ETV3: variants seen among roughly 807,000 people sequenced by gnomAD.
ETV3 encodes the protein ETS variant transcription factor 3.
A neutral mutation model predicts 33.0 loss-of-function variants in ETV3; 8 were observed. The ratio of observed to expected loss-of-function variants is 0.24; its 90% confidence interval spans 0.14 to 0.44. The LOEUF (loss-of-function observed/expected upper bound fraction) is 0.44. ETV3 is among the 20% of genes least tolerant of loss of function. The pLI is 1.00. For missense variants in ETV3, 473 were observed against 652.3 expected (o/e 0.73, Z 2.99); for synonymous variants, 222 against 238.9 (o/e 0.93, Z 0.65).
At chr1:157,132,243 C>T (rs544666726) in intron 4 of ETV3, among the ~76,000 whole-genome samples, 7 of 152,334 alleles carry the variant, frequency 4.6e-5, no homozygotes, top group South Asian at 2.1e-4. Flanking sequence ...CCACCTGGCC[C>T]GGCCCCTTGT....
At chr1:157,132,816 T>C (rs527421510) in intron 4 of ETV3, among the ~76,000 whole-genome samples, 2 of 151,982 alleles carry the variant, frequency 1.3e-5, no homozygotes, top group Non-Finnish European at 2.9e-5. Context: ...GAGATGAAAC[T>C]GTAATGATAG....
In ETV3 at chr1:157,123,764, A is replaced by T. The variant is rs1425457125; in HGVS notation, c.*1077T>A. 6.6e-6 allele frequency: 1 copy of T among 152,188 alleles called. No individual in the cohort carries two copies. Among genetic ancestry groups the T allele is most frequent in the South Asian group, 2.1e-4 (1 of 4,828 alleles). The allele number at this position is 152,188 out of a possible 1,614,324, so 9.4% of individuals were successfully genotyped here. On this transcript the variant is annotated 3_prime_UTR_variant, in exon 5 of 5. Coordinates refer to ENST00000368192, the MANE Select transcript of ETV3 (RefSeq NM_001145312.3). ...TCTGAAAAGCTGTCGATGCCCTTTT[A>T]CAGGTTTATGGTGACAGACCCGTAT... is the stretch of plus-strand genomic sequence containing the variant.
At position 157,125,582 on chromosome 1, in the gene ETV3, G is replaced by A. The variant is rs928671484; in HGVS notation, c.798C>T (p.Ala266=). ...GGVLNVPISP[A]LSLTPTIFSY... ...AGAAGATGGTGGGAGTCAGGGAGAG[G>A]GCTGGTGAAATGGGGACATTAAGGA... is the stretch of plus-strand genomic sequence containing the variant. Residue 266 remains alanine, a synonymous_variant, in exon 5 of 5, where the codon GCC becomes GCT. Coordinates refer to ENST00000368192, the MANE Select transcript of ETV3 (RefSeq NM_001145312.3). This position sits in a 1 kb window ranked among gnomAD's most constrained non-coding sequence, Gnocchi z 4.0. 1.9e-6 allele frequency: 3 copies of A among 1,551,848 alleles called. No individual in the cohort carries two copies. Among genetic ancestry groups the A allele is most frequent in the African/African-American group, 1.4e-5 (1 of 73,146 alleles).
At chr1:157,138,030 G>A (rs1446463113) in intron 1 of ETV3, among the ~76,000 whole-genome samples, 1 of 152,188 alleles carries the variant, frequency 6.6e-6, no homozygotes, top group Non-Finnish European at 1.5e-5. Context: ...TCCGGGTCCT[G>A]GCTTCCACAG....
chr1:157,130,657 C>T (rs1007649312), intron 4 of ETV3, among the ~76,000 whole-genome samples: 1 of 152,184 alleles, frequency 6.6e-6, no homozygotes, highest in African/African-American at 2.4e-5. Flanking sequence ...CAGCTTGCCT[C>T]TCTGTGCCTC....
chr1:157,130,762 A>G (rs1241201770), intron 4 of ETV3, among the ~76,000 whole-genome samples: 1 of 152,242 alleles, frequency 6.6e-6, no homozygotes, highest in African/African-American at 2.4e-5. Context: ...TACCAAGCAT[A>G]GCAAATTGCA....
Position 157,125,827 on chromosome 1 carries a change from T to C in ETV3, c.553A>G (p.Thr185Ala). 3 of 1,551,706 alleles carry C rather than the reference T, an allele frequency of 1.9e-6. No homozygotes were observed. Among genetic ancestry groups the C allele is most frequent in the Non-Finnish European group, 2.6e-6 (3 of 1,147,010 alleles). ...TCTGAAAGCTCAGTCTTTCTATCAG[T>C]ACCATTACTGGACTCCTGGCCAGAA... is the stretch of plus-strand genomic sequence containing the variant. ...TASGQESSNG[T>A]DRKTELSELE... Residue 185 changes from threonine (T) to alanine (A), a missense_variant, in exon 5 of 5, where the codon ACT becomes GCT. This residue lies in a region of ETV3 where 410 missense variants were observed against 520.2 expected (regional missense o/e 0.79). Transcript: ENST00000368192. The surrounding 1 kb of genome is among the most constrained non-coding windows in gnomAD (Gnocchi z 4.0).
chr1:157,124,647 T>C lies in ETV3; in HGVS notation c.*194A>G. 1.8e-6 allele frequency: 1 copy of C among 550,514 alleles called. No individual in the cohort carries two copies. Among genetic ancestry groups the C allele is most frequent in the Non-Finnish European group, 3.1e-6 (1 of 324,392 alleles). The allele number at this position is 550,514 out of a possible 1,614,324, so 34.1% of individuals were successfully genotyped here. On this transcript the variant is annotated 3_prime_UTR_variant, in exon 5 of 5. Coordinates refer to ENST00000368192, the MANE Select transcript of ETV3 (RefSeq NM_001145312.3). ...CCCTGTGTCCTACTCACCAGGAAAA[T>C]AAGTGTGTTCATATCCCACCTAATT...
In ETV3 at chr1:157,124,989, T is replaced by C; in HGVS notation, c.1391A>G (p.Lys464Arg). The C allele has an allele frequency of 1.9e-6, 3 of 1,551,814 alleles. No individual in the cohort carries two copies. Among genetic ancestry groups the C allele is most frequent in the Non-Finnish European group, 2.6e-6 (3 of 1,147,020 alleles). The change falls in exon 5 of 5, where the codon AAG (lysine) becomes AGG (arginine). Residue 464 changes from lysine (K) to arginine (R), a missense_variant. Lys to Arg is a conservative substitution (Grantham distance 26, BLOSUM62 2). Coordinates refer to ENST00000368192, the MANE Select transcript of ETV3 (RefSeq NM_001145312.3). ...RPGKEPSAPE[K>R]KEDALMPPKL... ...GGGGGGCATCAGTGCATCTTCTTTC[T>C]TCTCAGGTGCACTGGGCTCTTTGCC... is the stretch of plus-strand genomic sequence containing the variant.
chr1:157,127,035 G>A (rs930391801), intron 4 of ETV3, among the ~76,000 whole-genome samples: 1 of 152,052 alleles, frequency 6.6e-6, no homozygotes, highest in Non-Finnish European at 1.5e-5. Flanking sequence ...CTGTGGGGAG[G>A]GGCATAGCTG....
intron 4 of ETV3, chr1:157,133,349 A>G: frequency 1.0e-6 from 1 of 973,222 alleles, no homozygotes; most frequent in Non-Finnish European, 1.2e-6. Flanking sequence ...TAGGGGTCTT[A>G]GAACATATAC....
Position 157,124,811 on chromosome 1 carries a change from G to A in ETV3, c.*30C>T. ...AAATACATGTATGTATTTGATTATA[G>A]TATAAACAGCTCCTAATCCACTTCC... On this transcript the variant is annotated 3_prime_UTR_variant, in exon 5 of 5. Transcript: ENST00000368192. 2.5e-6 allele frequency: 3 copies of A among 1,178,384 alleles called. No homozygotes were observed. The highest frequency in any genetic ancestry group is 3.2e-6 in the Non-Finnish European group (3 of 933,218). 73.0% of individuals were successfully genotyped at this position (1,178,384 alleles called of 1,614,324 possible).
intron 4 of ETV3, chr1:157,133,522 A>G (rs1675022518): frequency 7.1e-6 from 7 of 985,832 alleles, no homozygotes; most frequent in South Asian, 9.4e-5. Context: ...TATAACCAGG[A>G]AAGTCAAGAG....
rs918707563 is a variant in ETV3, at chr1:157,135,381, A to T, written c.284+90T>A. On this transcript the variant is annotated intron_variant, in intron 3 of 4. Transcript: ENST00000368192. ...ATTCACTAAGATAGTGTAGTCTTTT[A>T]TTACCTGATACCCTTTTTATCTAGC... 1.5e-5 allele frequency: 22 copies of T among 1,467,990 alleles called. No individual in the cohort carries two copies. In the African/African-American group the frequency reaches 3.1e-4, roughly 21 times the overall value. The allele number at this position is 1,467,990 out of a possible 1,614,324, so 90.9% of individuals were successfully genotyped here.
At chr1:157,131,900 A>G (rs1453989199) in intron 4 of ETV3, among the ~76,000 whole-genome samples, 8 of 152,238 alleles carry the variant, frequency 5.3e-5, no homozygotes, top group Non-Finnish European at 1.5e-5. Flanking sequence ...GCAGTTGTCT[A>G]TACCTAGGAT....
In ETV3 at chr1:157,124,949, C is replaced by T. The variant is rs1388102581; in HGVS notation, c.1431G>A (p.Lys477=). Residue 477 remains lysine, a synonymous_variant, in exon 5 of 5, where the codon AAG becomes AAA. Transcript: ENST00000368192. ...CTTCAGGGTCATCATTCCAGCGCCG[C>T]TTCAACCGAAGCTTGGGGGGCATCA... is the stretch of plus-strand genomic sequence containing the variant. The part of the protein sequence containing the change: ...DALMPPKLRL[K]RRWNDDPEAR... 1 of 1,551,844 alleles carries T rather than the reference C, an allele frequency of 6.4e-7. No homozygotes were observed. Among genetic ancestry groups the T allele is most frequent in the Non-Finnish European group, 8.7e-7 (1 of 1,147,048 alleles).
In ETV3 at chr1:157,125,659, G is replaced by C; in HGVS notation, c.721C>G (p.Pro241Ala). 6.4e-7 allele frequency: 1 copy of C among 1,551,584 alleles called. No individual in the cohort carries two copies. The highest frequency in any genetic ancestry group is 1.7e-4 in the Middle Eastern group (1 of 5,992). ...LPLFARPGMY[P>A]DPHSPFAVSP... Reference sequence around the variant, plus strand: ...ACAGCGAAGGGACTGTGGGGGTCAGGGTACATCCCTGGCCTAGCAAACAGA... The same window carrying C: ...ACAGCGAAGGGACTGTGGGGGTCAGCGTACATCCCTGGCCTAGCAAACAGA... The change falls in exon 5 of 5, where the codon CCT becomes GCT. Residue 241 changes from proline to alanine, a missense_variant. Around this residue, in one of 3 missense-constraint regions of ETV3, gnomAD observed 410 missense variants for 520.2 expected, o/e 0.79. Coordinates refer to ENST00000368192, the MANE Select transcript of ETV3 (RefSeq NM_001145312.3). The surrounding 1 kb of genome is among the most constrained non-coding windows in gnomAD (Gnocchi z 4.0).
At chr1:157,138,167 C>A in intron 1 of ETV3, 149 bp downstream of exon 1, 1 of 151,990 alleles carries the variant, frequency 6.6e-6, no homozygotes, top group Non-Finnish European at 1.5e-5. Flanking sequence ...GACACGGGAT[C>A]CCACCCTCCC....
At chr1:157,128,258 T>G (rs1674887508) in intron 4 of ETV3, 1 of 157,508 alleles carries the variant, frequency 6.3e-6, no homozygotes, top group Admixed American at 6.4e-5. Flanking sequence ...CAGAAAACTG[T>G]TCTGCAGGAC....
Sources: gnomAD v4.1 joint callset for allele counts (sites outside exome capture counted in the v4.1 genomes callset) on GRCh38, gnomAD v4.1.1 for gene constraint, gnomAD v4.1.1 regional missense constraint, Gnocchi (gnomAD v3.1) non-coding constraint, MANE v1.5 for transcripts, NCBI Gene and HGNC (gene_info 2026-07-23, HGNC 2026-07-21) for gene names.